The following AGAP2 variants were observed in gnomAD, a reference collection of about 807,000 sequenced individuals.
AGAP2 encodes the protein arf-GAP with GTPase, ANK repeat and PH domain-containing protein 2.
In AGAP2, 32 loss-of-function variants were observed where a neutral mutation model predicts 110.9. The ratio of observed to expected loss-of-function variants is 0.29; its 90% CI spans 0.22 to 0.39. AGAP2 has a LOEUF of 0.39. AGAP2 is among the 10% of genes least tolerant of loss of function. AGAP2 has a pLI of 1.00. For synonymous variants in AGAP2, 702 were observed against 713.0 expected (o/e 0.98, Z 0.25); for missense variants, 1,285 against 1,638.5 (o/e 0.78, Z 3.72).
chr12:57,731,948 G>T lies in AGAP2; in HGVS notation c.1814C>A (p.Thr605Asn), dbSNP rs371123488. 3 of 1,613,666 alleles carry T rather than the reference G, an allele frequency of 1.9e-6. No individual in the cohort carries two copies. The highest frequency in any genetic ancestry group is 2.5e-6 in the Non-Finnish European group (3 of 1,179,990). Residue 605 changes from threonine to asparagine, a missense_variant, in exon 8 of 19, where the codon ACT becomes AAT. Transcript: ENST00000547588. Reference sequence around the variant, plus strand: ...CGGGAGGGAAGAAGAGTAGTCGCTAGTGTGGCCCCCGTTACTAGCCTGGGC... The same window carrying T: ...CGGGAGGGAAGAAGAGTAGTCGCTATTGTGGCCCCCGTTACTAGCCTGGGC... ...VAGQASNGGH[T>N]SDYSSSLPSS...
chr12:57,738,006 T>A lies in AGAP2; in HGVS notation c.241A>T (p.Ser81Cys). ...HRQDALWIST[S>C]SAGTGGAEPP... The stretch of plus-strand genomic sequence containing the variant: ...TCCGCGCCCCCGGTGCCCGCGCTGC[T>A]CGTGCTGATCCACAGCGCATCCTGC... Residue 81 changes from serine (S) to cysteine (C), a missense_variant, in exon 1 of 19, where the codon AGC (serine) becomes TGC (cysteine). Ser to Cys is a moderately radical substitution (Grantham distance 112). Transcript: ENST00000547588. The surrounding 1 kb of genome is among the most constrained non-coding windows in gnomAD (Gnocchi z 6.7). 6.7e-7 allele frequency: 1 copy of A among 1,498,776 alleles called. No homozygotes were observed. Among genetic ancestry groups the A allele is most frequent in the Non-Finnish European group, 8.8e-7 (1 of 1,130,104 alleles). 92.8% of individuals were successfully genotyped at this position (1,498,776 alleles called of 1,614,324 possible). A position where few individuals can be genotyped will look rare whatever the true frequency, so the allele number is the denominator to read the frequency against.
Position 57,727,067 on chromosome 12 carries a change from C to A in AGAP2, c.3243G>T (p.Pro1081=). ...GTGGGTCCTCTACGCTGGTGTCGAG[C>A]GGCCCGTGTCGCGCATGGGCCAAAA... The part of the protein sequence containing the change: ...LLLLAHARHG[P]LDTSVEDPQL... Residue 1081 remains proline (P), a synonymous_variant, in exon 18 of 19, where the codon CCG becomes CCT. Coordinates refer to ENST00000547588, the MANE Select transcript of AGAP2 (RefSeq NM_001122772.3). 1.3e-6 allele frequency: 2 copies of A among 1,597,310 alleles called. No homozygotes were observed. Among genetic ancestry groups the A allele is most frequent in the Non-Finnish European group, 1.7e-6 (2 of 1,172,872 alleles).
rs1410587497 is a variant in AGAP2, at chr12:57,738,175, G to A, written c.72C>T (p.Leu24=). 2.6e-6 allele frequency: 4 copies of A among 1,524,652 alleles called. No homozygotes were observed. Among genetic ancestry groups the A allele is most frequent in the South Asian group, 1.2e-5 (1 of 83,758 alleles). The allele number at this position is 1,524,652 out of a possible 1,614,324, so 94.4% of individuals were successfully genotyped here. The stretch of plus-strand genomic sequence containing the variant: ...AAGGCGGCGGCGGAGGCACCGACTC[G>A]AGCTTAACCAGGGTCAGCGAGATGA... ...TYLISLTLVK[L]ESVPPPPPSP... The change falls in exon 1 of 19, where the codon CTC becomes CTT. Residue 24 remains leucine, a synonymous_variant. Transcript: ENST00000547588. This position sits in a 1 kb window ranked among gnomAD's most constrained non-coding sequence, Gnocchi z 6.7.
At chr12:57,729,902 C>A (rs1021661924) in intron 12 of AGAP2, 135 bp from the exon 13 acceptor site, 1 of 1,270,240 alleles carries the variant, frequency 7.9e-7, no homozygotes, top group Admixed American at 2.5e-5. Context: ...CCAGGAGTTC[C>A]CCCTTGATCA....
upstream of AGAP2, among the ~76,000 whole-genome samples, chr12:57,739,139 C>A (rs1166568195): frequency 6.6e-6 from 1 of 152,050 alleles, no homozygotes; most frequent in East Asian, 1.9e-4. Flanking sequence ...CCCCTCCTCT[C>A]GCGCACCAAG....
rs1323854773 is a variant in AGAP2, at chr12:57,726,450, G to A, written c.*102C>T. 2 of 1,087,996 alleles carry A rather than the reference G, an allele frequency of 1.8e-6. No individual in the cohort carries two copies. The highest frequency in any genetic ancestry group is 4.8e-5 in the East Asian group (1 of 20,832). The allele number at this position is 1,087,996 out of a possible 1,614,324, so 67.4% of individuals were successfully genotyped here. A position where few individuals can be genotyped will look rare whatever the true frequency, so the allele number is the denominator to read the frequency against. ...GGTAGGAAGTGCTCCCGTGGGGCGG[G>A]GTGCGGATCGGAGAGGTGAGTGGGT... On this transcript the variant is annotated 3_prime_UTR_variant, in exon 19 of 19. Coordinates refer to ENST00000547588, the MANE Select transcript of AGAP2 (RefSeq NM_001122772.3). The surrounding 1 kb of genome is among the most constrained non-coding windows in gnomAD (Gnocchi z 5.7).
chr12:57,739,504 T>G (rs1028889973), upstream of AGAP2, among the ~76,000 whole-genome samples: 1 of 152,020 alleles, frequency 6.6e-6, no homozygotes, highest in African/African-American at 2.4e-5. Flanking sequence ...AAGGGAGAGA[T>G]CTGAGTGCTG....
chr12:57,732,119 T>G, intron 7 of AGAP2, 152 bp from the exon 8 acceptor site: 3 of 979,988 alleles, frequency 3.1e-6, no homozygotes, highest in Non-Finnish European at 4.4e-6. Context: ...CTCACTAACA[T>G]TGTGACAATG....
chr12:57,728,460 C>T, intron 13 of AGAP2, 83 bp from the exon 14 acceptor site: 1 of 1,410,286 alleles, frequency 7.1e-7, no homozygotes, highest in Non-Finnish European at 1.0e-6. Context: ...GAGAAAAAGA[C>T]AGGTAGATGG....
In AGAP2 at chr12:57,726,876, A is replaced by T; in HGVS notation, c.3337-82T>A. On this transcript the variant is annotated intron_variant, in intron 18 of 18. Transcript: ENST00000547588. The surrounding 1 kb of genome is among the most constrained non-coding windows in gnomAD (Gnocchi z 5.7). ...CCGCCTCCCCCACATGGCCAAGCCT[A>T]CTTCCGGGGTCCCTCTGGGAATTTC... The T allele has an allele frequency of 6.9e-7, 1 of 1,455,008 alleles. No individual in the cohort carries two copies. The highest frequency in any genetic ancestry group is 9.0e-7 in the Non-Finnish European group (1 of 1,109,972). The allele number at this position is 1,455,008 out of a possible 1,614,324, so 90.1% of individuals were successfully genotyped here.
chr12:57,728,306 C>T lies in AGAP2; in HGVS notation c.2617+12G>A. On this transcript the variant is annotated intron_variant, in intron 14 of 18. Transcript: ENST00000547588. ...CCCAGCTGAGCGCCCCTCCCGGCTCCCCACTTGTTACCTGCTTTATAAATA... is the reference window on the plus strand; with the variant it reads ...CCCAGCTGAGCGCCCCTCCCGGCTCTCCACTTGTTACCTGCTTTATAAATA... 6.2e-7 allele frequency: 1 copy of T among 1,613,710 alleles called. No individual in the cohort carries two copies. Among genetic ancestry groups the T allele is most frequent in the Non-Finnish European group, 8.5e-7 (1 of 1,179,768 alleles).
rs772719212 is a variant in AGAP2, at chr12:57,731,821, G to A, written c.1941C>T (p.Thr647=). Residue 647 remains threonine (T), a synonymous_variant, in exon 8 of 19, where the codon ACC becomes ACT. Coordinates refer to ENST00000547588, the MANE Select transcript of AGAP2 (RefSeq NM_001122772.3). ...GSLHRAAKRR[T]SLFANRRGSD... ...CCATGTCCAATACCGCAAAAAGGCT[G>A]GTCCTGCGCTTGGCTGCCCGGTGCA... The A allele has an allele frequency of 3.1e-5, 49 of 1,575,638 alleles. No homozygotes were observed. Among genetic ancestry groups the A allele is most frequent in the Non-Finnish European group, 4.2e-5 (49 of 1,160,848 alleles).
At chr12:57,727,268 C>G (rs964713269) in intron 17 of AGAP2, 39 bp from the exon 18 acceptor site, 14 of 1,612,128 alleles carry the variant, frequency 8.7e-6, no homozygotes, top group Admixed American at 3.3e-5. Context: ...CTCTAGGGAC[C>G]CCCAGCCAGG....
chr12:57,734,433 G>T, intron 3 of AGAP2, 29 bp from the exon 4 acceptor site: 1 of 1,612,088 alleles, frequency 6.2e-7, no homozygotes. Context: ...AGGGGTAACA[G>T]GTCAGAGGTG....
Position 57,737,771 on chromosome 12 carries a change from G to C in AGAP2, c.476C>G (p.Ala159Gly), listed in dbSNP as rs1955016112. 3 of 1,532,774 alleles carry C rather than the reference G, an allele frequency of 2.0e-6. No individual in the cohort carries two copies. Among genetic ancestry groups the C allele is most frequent in the Non-Finnish European group, 2.6e-6 (3 of 1,145,604 alleles). The allele number at this position is 1,532,774 out of a possible 1,614,324, so 94.9% of individuals were successfully genotyped here. A position where few individuals can be genotyped will look rare whatever the true frequency, so the allele number is the denominator to read the frequency against. The change falls in exon 1 of 19, where the codon GCG becomes GGG. Residue 159 changes from alanine (A) to glycine (G), a missense_variant. Physicochemically the swap from Ala to Gly is moderately conservative, Grantham distance 60 (BLOSUM62 0). Coordinates refer to ENST00000547588, the MANE Select transcript of AGAP2 (RefSeq NM_001122772.3). The surrounding 1 kb of genome is among the most constrained non-coding windows in gnomAD (Gnocchi z 5.9). ...GGATGAGCCAGGGATGCCGCCGCCC[G>C]CCCGGCCTTCGGGCTCCGGGCCGCC... ...SWGGPEPEGR[A>G]GGGIPGSSSP...
rs1280220716 is a variant in AGAP2 at position 57,734,186 on chromosome 12, G to A, written c.1402-13C>T. The A allele has an allele frequency of 1.9e-6, 3 of 1,604,512 alleles. No homozygotes were observed. Among genetic ancestry groups the A allele is most frequent in the Admixed American group, 1.7e-5 (1 of 59,400 alleles). ...CCCAGCCTGAGAACTTGCGGGGAGT[G>A]AGGGAGCAAATGGAAAGTCAGACAG... On this transcript the variant is annotated splice_polypyrimidine_tract_variant and intron_variant, in intron 4 of 18. Transcript: ENST00000547588.
At chr12:57,728,919 T>C (rs1187406593) in intron 13 of AGAP2, among the ~76,000 whole-genome samples, 1 of 152,070 alleles carries the variant, frequency 6.6e-6, no homozygotes, top group African/African-American at 2.4e-5. Flanking sequence ...CCACCGCCTG[T>C]AATCCCAGCA....
In AGAP2 at chr12:57,727,058, G is replaced by T; in HGVS notation, c.3252C>A (p.Thr1084=). The T allele has an allele frequency of 6.2e-7, 1 of 1,601,942 alleles. No individual in the cohort carries two copies. The highest frequency in any genetic ancestry group is 8.5e-7 in the Non-Finnish European group (1 of 1,175,120). ...AGCGCAGCTGTGGGTCCTCTACGCT[G>T]GTGTCGAGCGGCCCGTGTCGCGCAT... is the stretch of plus-strand genomic sequence containing the variant. ...LAHARHGPLD[T]SVEDPQLRSP... is the part of the protein sequence containing the mutation. Residue 1084 remains threonine (T), a synonymous_variant, in exon 18 of 19, where the codon ACC becomes ACA. Transcript: ENST00000547588.
intron 12 of AGAP2, chr12:57,730,236 A>G (rs754161596): frequency 8.0e-6 from 4 of 502,558 alleles, no homozygotes; most frequent in Non-Finnish European, 1.4e-5. Flanking sequence ...CATGTTACAG[A>G]TGAGGAAACT....
Sources: gnomAD v4.1 joint callset for allele counts (sites outside exome capture counted in the v4.1 genomes callset) on GRCh38, gnomAD v4.1.1 for gene constraint, Gnocchi (gnomAD v3.1) non-coding constraint, MANE v1.5 for transcripts, NCBI Gene and HGNC (gene_info 2026-07-23, HGNC 2026-07-21) for gene names.